ADGRB1: variants seen among roughly 807,000 people sequenced by gnomAD.
The protein encoded by ADGRB1 is adhesion G protein-coupled receptor B1.
A neutral mutation model predicts 175.7 loss-of-function variants in ADGRB1; 36 were observed. The observed-to-expected ratio is 0.20, with a 90% CI of 0.16 to 0.27. The LOEUF (loss-of-function observed/expected upper bound fraction) is 0.27. Ranked by LOEUF, ADGRB1 falls within the 10% of genes least tolerant of loss-of-function variation. The pLI, the probability that ADGRB1 is intolerant of heterozygous loss-of-function variation, is 1.00. For synonymous variants in ADGRB1, 1,054 were observed against 979.4 expected, an observed-to-expected ratio of 1.08 and a Z score of -1.42; for missense variants, 1,731 against 2,255.3, an observed-to-expected ratio of 0.77 and a Z score of 4.71.
At chr8:142,523,974 C>T (rs1319257642) in intron 22 of ADGRB1, among the ~76,000 whole-genome samples, 1 of 152,238 alleles carries the variant, frequency 6.6e-6, no homozygotes, top group East Asian at 1.9e-4. Context: ...CCTGGTGCCC[C>T]TGCTGTGTGG....
In ADGRB1 at chr8:142,504,289, G is replaced by A. The variant is rs35760050; in HGVS notation, c.2676-6643G>A. Among the ~76,000 whole-genome samples, 2 of 152,144 alleles carry A rather than the reference G, an allele frequency of 1.3e-5. No individual in the cohort carries two copies. Among genetic ancestry groups the A allele is most frequent in the Non-Finnish European group, 2.9e-5 (2 of 67,996 alleles). ...GGCAGTGGCTCCAGGAGCCCTGGAG[G>A]GGGAGGCTAATCACACAGGATGCGG... On this transcript the variant is annotated intron_variant, in intron 17 of 30. Coordinates refer to ENST00000517894, the MANE Select transcript of ADGRB1 (RefSeq NM_001702.3). The surrounding 1 kb of genome is among the most constrained non-coding windows in gnomAD (Gnocchi z 5.6).
At chr8:142,498,455 CCT>C (rs1842331149) in intron 17 of ADGRB1, among the ~76,000 whole-genome samples, 1 of 152,160 alleles carries the variant, frequency 6.6e-6, no homozygotes, top group Non-Finnish European at 1.5e-5. Flanking sequence ...CCTGCTTGGG[CCT>C]CTGTGTCCTG....
intron 1 of ADGRB1, among the ~76,000 whole-genome samples, chr8:142,459,144 C>T (rs537304761): frequency 4.6e-5 from 7 of 152,328 alleles, no homozygotes; most frequent in African/African-American, 7.2e-5. Context: ...GGGGTCAGCC[C>T]GGCCTCAACC....
intron 17 of ADGRB1, among the ~76,000 whole-genome samples, chr8:142,494,610 C>T (rs1386599008): frequency 6.6e-6 from 1 of 151,914 alleles, no homozygotes; most frequent in Admixed American, 6.6e-5. Flanking sequence ...ACACTTGCAC[C>T]CATGGGCTCA....
intron 17 of ADGRB1, among the ~76,000 whole-genome samples, chr8:142,509,805 A>T (rs1261149683): frequency 6.6e-6 from 1 of 152,184 alleles, no homozygotes; most frequent in South Asian, 2.1e-4. Flanking sequence ...GCAGCTGCAG[A>T]GCTGCACCCA....
At chr8:142,454,748 G>A (rs983987721) in intron 1 of ADGRB1, among the ~76,000 whole-genome samples, 5 of 152,192 alleles carry the variant, frequency 3.3e-5, no homozygotes, top group East Asian at 1.9e-4. Context: ...CTGAGGAGGC[G>A]GCTCCGGACG....
chr8:142,460,869 T>C (rs1839934091), intron 1 of ADGRB1, among the ~76,000 whole-genome samples: 1 of 152,172 alleles, frequency 6.6e-6, no homozygotes, highest in African/African-American at 2.4e-5. Context: ...TCCCTCGCCA[T>C]CACCCCAGGG....
intron 27 of ADGRB1, 111 bp from the exon 28 acceptor site, chr8:142,541,830 C>G: frequency 1.7e-6 from 2 of 1,186,416 alleles, no homozygotes; most frequent in Non-Finnish European, 2.3e-6. Flanking sequence ...CAGGGTCTCC[C>G]AGGAGGTGGC....
At chr8:142,499,019 C>T (rs1418608660) in intron 17 of ADGRB1, among the ~76,000 whole-genome samples, 2 of 152,222 alleles carry the variant, frequency 1.3e-5, no homozygotes, top group Non-Finnish European at 2.9e-5. Context: ...GGCTGCTAGG[C>T]CTTTGCTCAC....
Position 142,544,308 on chromosome 8 carries a change from A to G in ADGRB1, c.4646A>G (p.Glu1549Gly). 1.3e-6 allele frequency: 2 copies of G among 1,549,032 alleles called. No individual in the cohort carries two copies. The highest frequency in any genetic ancestry group is 1.7e-6 in the Non-Finnish European group (2 of 1,146,452). Residue 1549 changes from glutamate (E) to glycine (G), a missense_variant, in exon 31 of 31, where the codon GAG (glutamate) becomes GGG (glycine). By Grantham distance (98) the Glu-to-Gly change is moderately conservative (BLOSUM62 -2). This residue lies in a region of ADGRB1 where 394 missense variants were observed against 410.2 expected (regional missense o/e 0.96). Transcript: ENST00000517894. ...CCCACGTGGGTGAAGAAGGAGCTGG[A>G]GCCGCTGCAGCCGTCGCCGCTGGAG... The part of the protein sequence containing the change: ...GTPTWVKKEL[E>G]PLQPSPLELR...
At chr8:142,534,459 A>G (rs1411832338) in intron 25 of ADGRB1, among the ~76,000 whole-genome samples, 2 of 152,198 alleles carry the variant, frequency 1.3e-5, no homozygotes, top group East Asian at 3.9e-4. Flanking sequence ...AAGTCAGGGA[A>G]GTGGATGTGC....
At chr8:142,524,211 G>A (rs773374750) in intron 22 of ADGRB1, 27 bp from the exon 23 acceptor site, 25 of 1,591,206 alleles carry the variant, frequency 1.6e-5, no homozygotes, top group East Asian at 6.7e-5. Flanking sequence ...GCACACGGGC[G>A]GTGCTGATGG....
rs575147500 is a variant in ADGRB1 at position 142,525,991 on chromosome 8, T to C, written c.3313-551T>C. Among the ~76,000 whole-genome samples the C allele has an allele frequency of 2.3e-4, 35 of 152,184 alleles. No individual in the cohort carries two copies. The South Asian group carries it at 7.1e-3, about 31-fold the overall frequency. On this transcript the variant is annotated intron_variant, in intron 23 of 30. Coordinates refer to ENST00000517894, the MANE Select transcript of ADGRB1 (RefSeq NM_001702.3). The stretch of plus-strand genomic sequence containing the variant: ...GGGGGTGCTCCAGGAACAGCTCTTG[T>C]ATTGACTGGTAGCCTGGACAGTGGC...
intron 24 of ADGRB1, among the ~76,000 whole-genome samples, chr8:142,529,843 AGT>A (rs999266413): frequency 2.7e-5 from 4 of 148,192 alleles, no homozygotes; most frequent in Non-Finnish European, 5.9e-5. Flanking sequence ...TGTATGTGTG[AGT>A]GTGCATCTGT....
In ADGRB1 at chr8:142,511,852, G is replaced by C. The variant is rs753778733; in HGVS notation, c.2817+779G>C. Among the ~76,000 whole-genome samples, 5 of 152,246 alleles carry C rather than the reference G, an allele frequency of 3.3e-5. No homozygotes were observed. The highest frequency in any genetic ancestry group is 4.8e-5 in the African/African-American group (2 of 41,464). ...CACAGAGCAGGAAAGGGCCTTGGGC[G>C]TGTGCTCACCAAGTAACCTCCGCCC... On this transcript the variant is annotated intron_variant, in intron 18 of 30. Transcript: ENST00000517894. This position sits in a 1 kb window ranked among gnomAD's most constrained non-coding sequence, Gnocchi z 4.5.
chr8:142,475,387 T>G, intron 2 of ADGRB1, 87 bp from the exon 3 acceptor site: 1 of 1,218,240 alleles, frequency 8.2e-7, no homozygotes, highest in Non-Finnish European at 1.0e-6. Flanking sequence ...CGGGCCGGCC[T>G]CGGCGGGCTT....
chr8:142,504,975 A>G lies in ADGRB1; in HGVS notation c.2676-5957A>G, dbSNP rs1842781758. Among the ~76,000 whole-genome samples the G allele has an allele frequency of 6.7e-6, 1 of 149,092 alleles. No individual in the cohort carries two copies. Among genetic ancestry groups the G allele is most frequent in the Admixed American group, 6.8e-5 (1 of 14,772 alleles). On this transcript the variant is annotated intron_variant, in intron 17 of 30. Coordinates refer to ENST00000517894, the MANE Select transcript of ADGRB1 (RefSeq NM_001702.3). This position sits in a 1 kb window ranked among gnomAD's most constrained non-coding sequence, Gnocchi z 5.6. ...GAATTAGCCCATCAAATCCAAGGGGACCCCGACAGCGCACAGTCCCATAAT... is the reference window on the plus strand; with the variant it reads ...GAATTAGCCCATCAAATCCAAGGGGGCCCCGACAGCGCACAGTCCCATAAT...
chr8:142,489,465 G>C lies in ADGRB1; in HGVS notation c.2631+27G>C, dbSNP rs113804093. Reference sequence around the variant, plus strand: ...TGAGTGCCGTCCACGTGCACACTCTGATGCCAGCAGAAACGCGTGTGCGCG... The same window carrying C: ...TGAGTGCCGTCCACGTGCACACTCTCATGCCAGCAGAAACGCGTGTGCGCG... On this transcript the variant is annotated intron_variant, in intron 16 of 30. Transcript: ENST00000517894. The C allele has an allele frequency of 9.0e-4, 1,447 of 1,603,712 alleles. 18 individuals carry two copies. In the African/African-American group the frequency reaches 0.017, roughly 19 times the overall value.
At position 142,455,749 on chromosome 8, in the gene ADGRB1, G is replaced by C. The variant is rs1839632932; in HGVS notation, c.-220+5645G>C. On this transcript the variant is annotated intron_variant, in intron 1 of 30. Coordinates refer to ENST00000517894, the MANE Select transcript of ADGRB1 (RefSeq NM_001702.3). The surrounding 1 kb of genome is among the most constrained non-coding windows in gnomAD (Gnocchi z 4.9). ...AGAAACGCAGAGGAGCGGCCAGGAG[G>C]CTGAGAAGATGGTGCTGGCTGGGCA... is the stretch of plus-strand genomic sequence containing the variant. Among the ~76,000 whole-genome samples, 1 of 152,224 alleles carries C rather than the reference G, an allele frequency of 6.6e-6. No individual in the cohort carries two copies. Among genetic ancestry groups the C allele is most frequent in the Non-Finnish European group, 1.5e-5 (1 of 68,038 alleles).
Sources: allele counts gnomAD v4.1 joint callset (sites outside exome capture counted in the v4.1 genomes callset), GRCh38; gene constraint gnomAD v4.1.1; regional missense constraint gnomAD v4.1.1; non-coding constraint Gnocchi (gnomAD v3.1); transcripts MANE v1.5; gene names NCBI Gene and HGNC (gene_info 2026-07-23, HGNC 2026-07-21).